The following SPOCK3 variants were observed in gnomAD, a reference collection of about 807,000 sequenced individuals.
SPOCK3 encodes the protein testican-3.
SPOCK3 carries 30 observed loss-of-function variants against 56.6 expected under a neutral mutation model. The observed-to-expected ratio is 0.53, with a 90% CI of 0.40 to 0.72. The LOEUF is 0.72. SPOCK3 is among the 30% of genes least tolerant of loss of function. The pLI, the probability that SPOCK3 is intolerant of heterozygous loss-of-function variation, is 0.00. For synonymous variants in SPOCK3, 196 were observed against 183.3 expected, an observed-to-expected ratio of 1.07 and a Z score of -0.56; for missense variants, 527 against 530.0, an observed-to-expected ratio of 0.99 and a Z score of 0.06.
intron 2 of SPOCK3, among the ~76,000 whole-genome samples, chr4:167,222,926 A>C (rs1477410427): frequency 2.3e-4 from 30 of 128,252 alleles, no homozygotes; most frequent in Non-Finnish European, 4.2e-4. Context: ...TTTATATATG[A>C]ATATATAAAT....
At chr4:166,810,707 T>C (rs1743679135) in intron 6 of SPOCK3, among the ~76,000 whole-genome samples, 1 of 152,056 alleles carries the variant, frequency 6.6e-6, no homozygotes, top group Admixed American at 6.6e-5. Flanking sequence ...TATCATTTTT[T>C]ATTGTTAGTT....
intron 7 of SPOCK3, among the ~76,000 whole-genome samples, chr4:166,767,118 G>T (rs1212238438): frequency 1.3e-5 from 2 of 151,852 alleles, no homozygotes; most frequent in Non-Finnish European, 2.9e-5. Context: ...TATCAATTTT[G>T]TTGATCTTTT....
chr4:166,745,684 A>G (rs1735517242), intron 8 of SPOCK3, among the ~76,000 whole-genome samples: 1 of 152,188 alleles, frequency 6.6e-6, no homozygotes, highest in Non-Finnish European at 1.5e-5. Context: ...GTTAAAAGAC[A>G]CAGACTGGCA....
intron 7 of SPOCK3, among the ~76,000 whole-genome samples, chr4:166,777,819 G>A (rs2126602394): frequency 6.6e-6 from 1 of 152,252 alleles, no homozygotes; most frequent in Non-Finnish European, 1.5e-5. Flanking sequence ...CATTTACTGT[G>A]TGACTTTGGG....
chr4:166,954,489 G>C (rs753521968), intron 4 of SPOCK3, among the ~76,000 whole-genome samples: 5 of 151,932 alleles, frequency 3.3e-5, no homozygotes, highest in African/African-American at 4.8e-5. Flanking sequence ...TATATATTGA[G>C]AGATGAGCAT....
intron 2 of SPOCK3, among the ~76,000 whole-genome samples, chr4:167,137,725 TAA>T (rs1343355410): frequency 6.6e-6 from 1 of 151,888 alleles, no homozygotes; most frequent in Non-Finnish European, 1.5e-5. Context: ...GGACAGGAGA[TAA>T]AAGTTTTTAA....
At chr4:166,770,213 G>A (rs1018136727) in intron 7 of SPOCK3, among the ~76,000 whole-genome samples, 1 of 152,026 alleles carries the variant, frequency 6.6e-6, no homozygotes, top group Non-Finnish European at 1.5e-5. Flanking sequence ...TGTCCGATAA[G>A]CCCCAGTGAG....
At chr4:167,152,419 C>T (rs746283141) in intron 2 of SPOCK3, among the ~76,000 whole-genome samples, 6 of 152,056 alleles carry the variant, frequency 3.9e-5, no homozygotes, top group East Asian at 1.9e-4. Flanking sequence ...TATATAACAA[C>T]GAACCATGGA....
rs1471526402 is a variant in SPOCK3, at chr4:166,754,595, T to A, written c.844A>T (p.Thr282Ser). Residue 282 changes from threonine (T) to serine (S), a missense_variant, in exon 8 of 11, where the codon ACC becomes TCC. By Grantham distance (58) the Thr-to-Ser change is moderately conservative. Coordinates refer to ENST00000357545, the MANE Select transcript of SPOCK3 (RefSeq NM_001040159.2). The stretch of plus-strand genomic sequence containing the variant: ...TCACAAGAATTGAAGAATGCCTTGG[T>A]ACACTGTTCATTCTTATCAAGGTAA... ...SIYLDKNEQC[T>S]KAFFNSCDTY... The A allele has an allele frequency of 1.2e-6, 2 of 1,613,638 alleles. No homozygotes were observed. The highest frequency in any genetic ancestry group is 2.7e-5 in the African/African-American group (2 of 74,902).
chr4:166,750,428 G>A (rs1025002561), intron 8 of SPOCK3, among the ~76,000 whole-genome samples: 3 of 152,006 alleles, frequency 2.0e-5, no homozygotes, highest in African/African-American at 7.2e-5. Flanking sequence ...TGCTACCAAC[G>A]AGTGTTTTAA....
intron 6 of SPOCK3, among the ~76,000 whole-genome samples, chr4:166,853,685 C>A (rs1275877190): frequency 6.6e-6 from 1 of 152,126 alleles, no homozygotes; most frequent in Non-Finnish European, 1.5e-5. Context: ...GAGTTCCAGA[C>A]CAGCCTGGCC....
chr4:167,132,493 T>C (rs1462942428), intron 2 of SPOCK3, among the ~76,000 whole-genome samples: 2 of 152,186 alleles, frequency 1.3e-5, no homozygotes, highest in Non-Finnish European at 2.9e-5. Context: ...CTATCAAAAG[T>C]TATTTATTTT....
intron 2 of SPOCK3, among the ~76,000 whole-genome samples, chr4:167,149,001 G>A (rs1764195883): frequency 6.6e-6 from 1 of 151,892 alleles, no homozygotes; most frequent in Admixed American, 6.6e-5. Context: ...TAATTCTTTT[G>A]AATATCTATC....
intron 2 of SPOCK3, among the ~76,000 whole-genome samples, chr4:167,104,176 C>G (rs566461176): frequency 5.3e-5 from 8 of 152,188 alleles, no homozygotes; most frequent in African/African-American, 1.9e-4. Flanking sequence ...GCCCAGACAC[C>G]AACAAACGTC....
At chr4:167,033,970 C>T (rs1752505347) in intron 3 of SPOCK3, among the ~76,000 whole-genome samples, 1 of 152,034 alleles carries the variant, frequency 6.6e-6, no homozygotes, top group South Asian at 2.1e-4. Context: ...GTATTATATA[C>T]TACTGGACTT....
intron 3 of SPOCK3, among the ~76,000 whole-genome samples, chr4:167,048,053 T>C (rs1023153993): frequency 2.0e-5 from 3 of 151,978 alleles, no homozygotes; most frequent in African/African-American, 7.3e-5. Flanking sequence ...GAAAAGAAAA[T>C]ATGTTAAGTA....
intron 2 of SPOCK3, among the ~76,000 whole-genome samples, chr4:167,066,605 C>A (rs1306990531): frequency 6.6e-6 from 1 of 151,768 alleles, no homozygotes; most frequent in East Asian, 1.9e-4. Context: ...GAACACTTTA[C>A]AACTGTATGG....
intron 6 of SPOCK3, among the ~76,000 whole-genome samples, chr4:166,848,957 G>A (rs1275109006): frequency 6.6e-6 from 1 of 152,010 alleles, no homozygotes; most frequent in Non-Finnish European, 1.5e-5. Context: ...CAACACCATG[G>A]GCATCATTAG....
intron 5 of SPOCK3, among the ~76,000 whole-genome samples, chr4:166,900,333 G>A (rs1735900935): frequency 6.6e-6 from 1 of 152,086 alleles, no homozygotes. Flanking sequence ...ATCTGATATT[G>A]TTGGGCATTG....
Sources: gnomAD v4.1 joint callset for allele counts (sites outside exome capture counted in the v4.1 genomes callset) on GRCh38, gnomAD v4.1.1 for gene constraint, MANE v1.5 for transcripts, NCBI Gene and HGNC (gene_info 2026-07-23, HGNC 2026-07-21) for gene names.